The following MALL variants were observed in gnomAD, a reference collection of about 807,000 sequenced individuals.
MALL encodes the protein MAL-like protein.
In MALL, 2 loss-of-function variants were observed where a neutral mutation model predicts 10.3. The observed-to-expected ratio is 0.19, with a 90% CI of 0.08 to 0.61. The LOEUF is 0.61. Among genes scored for constraint, MALL ranks in the 20% least tolerant of loss-of-function variants. The pLI, the probability that MALL is intolerant of heterozygous loss-of-function variation, is 0.88. For missense variants in MALL, 39 were observed against 115.2 expected, an observed-to-expected ratio of 0.34 and a Z score of 3.03; for synonymous variants, 27 against 51.8, an observed-to-expected ratio of 0.52 and a Z score of 2.05.
chr2:110,113,312 C>G (rs1327025770), intron 1 of MALL, among the ~76,000 whole-genome samples: 2 of 151,354 alleles, frequency 1.3e-5, no homozygotes, highest in African/African-American at 4.9e-5. Flanking sequence ...GGTGGGGGCA[C>G]CTGTAGTCCC....
At chr2:110,097,985 G>T (rs1478170073) in intron 1 of MALL, among the ~76,000 whole-genome samples, 1 of 152,012 alleles carries the variant, frequency 6.6e-6, no homozygotes, top group Non-Finnish European at 1.5e-5. Flanking sequence ...ACACAGGTGA[G>T]CCGGGGTCTC....
intron 1 of MALL, among the ~76,000 whole-genome samples, chr2:110,105,833 G>A (rs1425283151): frequency 6.6e-6 from 1 of 152,138 alleles, no homozygotes; most frequent in South Asian, 2.1e-4. Flanking sequence ...CAGAGAGTTG[G>A]CCCTAGGGGG....
chr2:110,105,514 G>A (rs1678668374), intron 1 of MALL, among the ~76,000 whole-genome samples: 1 of 152,246 alleles, frequency 6.6e-6, no homozygotes, highest in South Asian at 2.1e-4. Flanking sequence ...TGCCCTGTGG[G>A]AGCCAGACCA....
chr2:110,115,962 C>T (rs1198066363), upstream of MALL: 9 of 394,734 alleles, frequency 2.3e-5, no homozygotes, highest in Non-Finnish European at 4.0e-5. Context: ...CCTCAGTGGG[C>T]GGCCCAGCGG....
At chr2:110,098,423 T>C (rs970583460) in intron 1 of MALL, among the ~76,000 whole-genome samples, 1 of 152,034 alleles carries the variant, frequency 6.6e-6, no homozygotes, top group African/African-American at 2.4e-5. Context: ...CCATTCTACT[T>C]TCCGTCTACT....
chr2:110,109,184 A>G (rs1460726220), intron 1 of MALL, among the ~76,000 whole-genome samples: 1 of 152,156 alleles, frequency 6.6e-6, no homozygotes, highest in Non-Finnish European at 1.5e-5. Flanking sequence ...AGCATGATGA[A>G]TGCAATGGTA....
In MALL at chr2:110,110,849, G is replaced by A. The variant is rs1678789026; in HGVS notation, c.105+4839C>T. The stretch of plus-strand genomic sequence containing the variant: ...ATACTAGCTAACTGAATCCAACAAT[G>A]TATCAAAAAGATAACCCACCATGAT... On this transcript the variant is annotated intron_variant, in intron 1 of 3. Transcript: ENST00000272462. 2.6e-5 allele frequency among the ~76,000 whole-genome samples: 4 copies of A among 152,126 alleles called. No homozygotes were observed. In the East Asian group the frequency reaches 7.7e-4, roughly 29 times the overall value.
chr2:110,100,478 CTA>C (rs1678539765), intron 1 of MALL, among the ~76,000 whole-genome samples: 1 of 149,816 alleles, frequency 6.7e-6, no homozygotes, highest in African/African-American at 2.5e-5. Flanking sequence ...GTCCCCCACC[CTA>C]AAAAAAAAAA....
intron 1 of MALL, among the ~76,000 whole-genome samples, chr2:110,102,166 A>G (rs1437719266): frequency 6.6e-6 from 1 of 152,164 alleles, no homozygotes; most frequent in African/African-American, 2.4e-5. Flanking sequence ...TTTTGTGACT[A>G]ATAACCTGCC....
At chr2:110,111,287 T>C (rs1223496929) in intron 1 of MALL, among the ~76,000 whole-genome samples, 1 of 152,150 alleles carries the variant, frequency 6.6e-6, no homozygotes, top group Non-Finnish European at 1.5e-5. Context: ...CTGTCACTGT[T>C]TGCTGACGAT....
chr2:110,098,118 A>G (rs1289715660), intron 1 of MALL, among the ~76,000 whole-genome samples: 1 of 151,858 alleles, frequency 6.6e-6, no homozygotes, highest in East Asian at 1.9e-4. Context: ...AGGATGAAGG[A>G]AAGGATTGTC....
chr2:110,110,362 C>G (rs1328972289), intron 1 of MALL, among the ~76,000 whole-genome samples: 5 of 151,970 alleles, frequency 3.3e-5, no homozygotes, highest in South Asian at 4.2e-4. Context: ...TCCAAATAAC[C>G]TCACTAAGAA....
chr2:110,117,158 T>A (rs757206065), upstream of MALL, among the ~76,000 whole-genome samples: 9 of 152,040 alleles, frequency 5.9e-5, no homozygotes, highest in Non-Finnish European at 1.0e-4. Flanking sequence ...GAGACCCTAA[T>A]CCCACCTGCC....
In MALL at chr2:110,115,785, G is replaced by A; in HGVS notation, c.8C>T (p.Ser3Leu). MA[S>L]PDPPATSYAP... is the part of the protein sequence containing the mutation. ...GTAGCTGGTGGCGGGCGGGTCGGGCGAGGCCATGCTGTCAGCCCCTGCCGG... is the reference window on the plus strand; with the variant it reads ...GTAGCTGGTGGCGGGCGGGTCGGGCAAGGCCATGCTGTCAGCCCCTGCCGG... The change falls in exon 1 of 4, where the codon TCG becomes TTG. Residue 3 changes from serine to leucine, a missense_variant. Coordinates refer to ENST00000272462, the MANE Select transcript of MALL (RefSeq NM_005434.5). 1 of 1,267,298 alleles carries A rather than the reference G, an allele frequency of 7.9e-7. No homozygotes were observed. The highest frequency in any genetic ancestry group is 1.0e-6 in the Non-Finnish European group (1 of 999,618). The allele number at this position is 1,267,298 out of a possible 1,614,324, so 78.5% of individuals were successfully genotyped here.
rs1249145302 is a variant in MALL at position 110,096,469 on chromosome 2, T to C, written c.106-4699A>G. Among the ~76,000 whole-genome samples the C allele has an allele frequency of 1.3e-5, 2 of 151,940 alleles. 1 individual carries two copies. The highest frequency in any genetic ancestry group is 2.9e-5 in the Non-Finnish European group (2 of 67,978). ...AGGGTTTGGTGAGTCTGCTGGCACA[T>C]GGTGAATGTTGGCTGTAGTAGCCAT... is the stretch of plus-strand genomic sequence containing the variant. On this transcript the variant is annotated intron_variant, in intron 1 of 3. Transcript: ENST00000272462.
intron 1 of MALL, 27 bp downstream of exon 1, chr2:110,115,661 G>T: frequency 8.2e-7 from 1 of 1,221,448 alleles, no homozygotes; most frequent in Non-Finnish European, 1.0e-6. Flanking sequence ...CTCTGCAGGT[G>T]GCCCGGGTCG....
chr2:110,098,200 C>CT (rs1048015282), intron 1 of MALL, among the ~76,000 whole-genome samples: 51 of 151,734 alleles, frequency 3.4e-4, no homozygotes, highest in African/African-American at 1.1e-3. Flanking sequence ...ACCTCTCTCT[C>CT]TTTTTAAAAA....
chr2:110,115,960 G>C (rs558822836), upstream of MALL: 90 of 397,240 alleles, frequency 2.3e-4, no homozygotes, highest in African/African-American at 1.4e-3. Context: ...ATCCTCAGTG[G>C]GCGGCCCAGC....
intron 1 of MALL, among the ~76,000 whole-genome samples, chr2:110,107,467 A>G (rs1217796621): frequency 6.6e-6 from 1 of 152,062 alleles, no homozygotes; most frequent in Admixed American, 6.5e-5. Context: ...AAGCAGCCAT[A>G]ATCTTCCTAA....
Sources: gnomAD v4.1 joint callset for allele counts (sites outside exome capture counted in the v4.1 genomes callset) on GRCh38, gnomAD v4.1.1 for gene constraint, MANE v1.5 for transcripts, NCBI Gene and HGNC (gene_info 2026-07-23, HGNC 2026-07-21) for gene names.